The following PHACTR1 variants were observed in gnomAD, a reference collection of about 807,000 sequenced individuals.
The protein encoded by PHACTR1 is phosphatase and actin regulator 1.
PHACTR1 carries 16 observed loss-of-function variants against 69.2 expected under a neutral mutation model. The observed-to-expected ratio is 0.23, with a 90% CI of 0.16 to 0.35. The LOEUF (loss-of-function observed/expected upper bound fraction) is 0.35, where lower values mean the gene tolerates loss of function less well. PHACTR1 is among the 10% of genes least tolerant of loss of function. The probability of loss-of-function intolerance (pLI) is 1.00; values close to 1 mark genes in which losing one functional copy is unlikely to be tolerated. For missense variants in PHACTR1, 510 were observed against 734.7 expected (o/e 0.69, Z 3.54); for synonymous variants, 312 against 284.5 (o/e 1.10, Z -0.97).
At chr6:13,045,630 T>G (rs1480053912) in intron 4 of PHACTR1, among the ~76,000 whole-genome samples, 1 of 152,220 alleles carries the variant, frequency 6.6e-6, no homozygotes, top group Non-Finnish European at 1.5e-5. Context: ...GGCTGTCAAT[T>G]CATGCTTCAG....
At chr6:13,091,947 A>G (rs1005804301) in intron 5 of PHACTR1, among the ~76,000 whole-genome samples, 1 of 152,084 alleles carries the variant, frequency 6.6e-6, no homozygotes, top group Non-Finnish European at 1.5e-5. Flanking sequence ...GCAGGCGCAT[A>G]TGACCACGCC....
intron 14 of PHACTR1, among the ~76,000 whole-genome samples, chr6:13,286,636 C>T (rs1357699420): frequency 1.3e-5 from 2 of 152,222 alleles, no homozygotes; most frequent in African/African-American, 4.8e-5. Flanking sequence ...CTGACATTCT[C>T]CCTGACAGTC....
chr6:13,059,149 A>G (rs1190886996), intron 5 of PHACTR1, among the ~76,000 whole-genome samples: 2 of 152,154 alleles, frequency 1.3e-5, no homozygotes, highest in Non-Finnish European at 2.9e-5. Context: ...GTCTTAAAAA[A>G]GAAGGAAATC....
chr6:12,849,295 G>A (rs574629767), intron 4 of PHACTR1, among the ~76,000 whole-genome samples: 9 of 152,228 alleles, frequency 5.9e-5, no homozygotes, highest in Non-Finnish European at 8.8e-5. Context: ...AGGCTTCAGT[G>A]TGGTGAGGTC....
At chr6:12,933,945 T>C (rs1338203797) in intron 4 of PHACTR1, 1 of 1,595,382 alleles carries the variant, frequency 6.3e-7, no homozygotes, top group African/African-American at 1.3e-5. Context: ...GGTTGGCGTG[T>C]GTATTCATTT....
intron 5 of PHACTR1, among the ~76,000 whole-genome samples, chr6:13,142,620 G>T (rs1249381590): frequency 1.3e-5 from 2 of 151,968 alleles, no homozygotes; most frequent in African/African-American, 4.8e-5. Context: ...TTTGCATGAG[G>T]ATATTCAGTT....
intron 4 of PHACTR1, among the ~76,000 whole-genome samples, chr6:13,019,810 T>C (rs1800708560): frequency 6.6e-6 from 1 of 152,188 alleles, no homozygotes; most frequent in Non-Finnish European, 1.5e-5. Context: ...GATCAGTACT[T>C]GTTTCCTAGC....
chr6:12,770,529 G>A (rs944628024), intron 4 of PHACTR1, among the ~76,000 whole-genome samples: 8 of 152,216 alleles, frequency 5.3e-5, no homozygotes, highest in African/African-American at 1.7e-4. Context: ...GGGACATGGA[G>A]GAGGAGCTTC....
chr6:13,158,486 A>G (rs1758513868), intron 5 of PHACTR1, among the ~76,000 whole-genome samples: 1 of 152,198 alleles, frequency 6.6e-6, no homozygotes, highest in Admixed American at 6.5e-5. Flanking sequence ...ACGTGAGTGC[A>G]TTCTAACCTA....
At chr6:13,086,416 A>G (rs546881821) in intron 5 of PHACTR1, among the ~76,000 whole-genome samples, 6 of 152,174 alleles carry the variant, frequency 3.9e-5, no homozygotes, top group African/African-American at 1.2e-4. Context: ...ATATATACAG[A>G]CATGTAACCC....
intron 4 of PHACTR1, among the ~76,000 whole-genome samples, chr6:12,787,769 C>T (rs928088402): frequency 5.3e-5 from 8 of 152,120 alleles, no homozygotes; most frequent in Non-Finnish European, 1.0e-4. Flanking sequence ...AGTACGGTGG[C>T]AAATTGTAGA....
chr6:12,897,564 T>A (rs1000927432), intron 4 of PHACTR1, among the ~76,000 whole-genome samples: 7 of 152,162 alleles, frequency 4.6e-5, no homozygotes, highest in Non-Finnish European at 1.0e-4. Context: ...CTTCGCCTAA[T>A]TTATAGCGTC....
Position 12,757,029 on chromosome 6 carries a change from T to A in PHACTR1, c.250+7239T>A, listed in dbSNP as rs116184842. Among the ~76,000 whole-genome samples, 1,515 of 152,280 alleles carry A rather than the reference T, an allele frequency of 9.9e-3. 30 individuals are homozygous for A. Among genetic ancestry groups the A allele is most frequent in the African/African-American group, 0.035 (1,447 of 41,554 alleles). ...AAAAGTGGATTATGAGCAAGAAACG[T>A]TAGATATATCAGTAAATTGTATTGT... On this transcript the variant is annotated intron_variant, in intron 4 of 14. Coordinates refer to ENST00000332995, the MANE Select transcript of PHACTR1 (RefSeq NM_030948.6).
At chr6:12,846,726 C>CTTTTTTTTTTT (rs36120296) in intron 4 of PHACTR1, among the ~76,000 whole-genome samples, 1 of 143,604 alleles carries the variant, frequency 7.0e-6, no homozygotes, top group African/African-American at 2.5e-5. Flanking sequence ...TTCTTTCGTC[C>CTTTTTTTTTTT]TTTTTTTTTT....
intron 10 of PHACTR1, chr6:13,253,153 A>T (rs1422492327): frequency 5.5e-6 from 2 of 362,708 alleles, no homozygotes; most frequent in Non-Finnish European, 1.2e-5. Flanking sequence ...GGGAAGTATG[A>T]TCGCCCCAAA....
intron 4 of PHACTR1, among the ~76,000 whole-genome samples, chr6:12,837,720 T>C (rs1370965483): frequency 6.6e-6 from 1 of 152,200 alleles, no homozygotes; most frequent in Non-Finnish European, 1.5e-5. Flanking sequence ...CTCTATAAAA[T>C]GTGGATAAAA....
intron 4 of PHACTR1, among the ~76,000 whole-genome samples, chr6:12,830,263 G>A (rs1294593830): frequency 6.6e-6 from 1 of 151,508 alleles, no homozygotes; most frequent in Non-Finnish European, 1.5e-5. Flanking sequence ...ATACGCAGTG[G>A]ACCTGAGTTC....
At chr6:12,864,379 T>C (rs186053230) in intron 4 of PHACTR1, among the ~76,000 whole-genome samples, 2 of 152,266 alleles carry the variant, frequency 1.3e-5, no homozygotes, top group East Asian at 3.9e-4. Flanking sequence ...GCGAACTCCA[T>C]GTAATTAAGA....
chr6:13,196,420 C>CTTTTTTTTTTGTTT (rs555707385), intron 7 of PHACTR1: 30,093 of 136,008 alleles, frequency 0.22, 3,839 homozygotes, highest in Non-Finnish European at 0.29. Flanking sequence ...GGTTTTCTTT[C>CTTTTTTTTTTGTTT]TTTTTTTTTT....
Sources: allele counts gnomAD v4.1 joint callset (sites outside exome capture counted in the v4.1 genomes callset), GRCh38; gene constraint gnomAD v4.1.1; transcripts MANE v1.5; gene names NCBI Gene and HGNC (gene_info 2026-07-23, HGNC 2026-07-21).